CSMD1: variants seen among roughly 807,000 people sequenced by gnomAD.
CSMD1 encodes CUB and sushi domain-containing protein 1.
A neutral mutation model predicts 417.5 loss-of-function variants in CSMD1; 213 were observed. The ratio of observed to expected loss-of-function variants is 0.51; its 90% CI spans 0.46 to 0.57. CSMD1 has a LOEUF of 0.57. CSMD1 is among the 20% of genes least tolerant of loss of function. The pLI is 0.00. For missense variants in CSMD1, 6,923 were observed against 4,529.7 expected (o/e 1.53, Z -15.17); for synonymous variants, 2,862 against 1,736.8 (o/e 1.65, Z -16.11).
chr8:4,069,585 T>C (rs751767329), intron 3 of CSMD1, among the ~76,000 whole-genome samples: 7 of 152,226 alleles, frequency 4.6e-5, no homozygotes, highest in Non-Finnish European at 1.0e-4. Context: ...AGATGTATCT[T>C]GGGCCAGTGG....
At chr8:3,662,755 C>T (rs552323039) in intron 7 of CSMD1, among the ~76,000 whole-genome samples, 43 of 152,074 alleles carry the variant, frequency 2.8e-4, no homozygotes, top group East Asian at 5.8e-4. Flanking sequence ...AACCAAACCC[C>T]GCATGTTCTC....
intron 1 of CSMD1, among the ~76,000 whole-genome samples, chr8:4,938,938 C>G (rs1009491145): frequency 1.4e-5 from 2 of 145,340 alleles, no homozygotes; most frequent in Non-Finnish European, 3.0e-5. Context: ...TTTTGTGTGT[C>G]TTCTTTGGAG....
At position 4,414,158 on chromosome 8, in the gene CSMD1, G is replaced by C. The variant is rs185556959; in HGVS notation, c.415+5795C>G. Among the ~76,000 whole-genome samples, 16 of 152,274 alleles carry C rather than the reference G, an allele frequency of 1.1e-4. No homozygotes were observed. In the South Asian group the frequency reaches 2.5e-3, roughly 24 times the overall value. ...GTGCTGACATTCTAAATAAAGCTTT[G>C]AGCTTGAAGAGTAATAATCTAGCTG... On this transcript the variant is annotated intron_variant, in intron 3 of 69. Coordinates refer to ENST00000635120, the MANE Select transcript of CSMD1 (RefSeq NM_033225.6).
chr8:3,005,829 A>T (rs1267707952), intron 52 of CSMD1, among the ~76,000 whole-genome samples: 3 of 152,156 alleles, frequency 2.0e-5, no homozygotes, highest in Non-Finnish European at 4.4e-5. Flanking sequence ...TGAATGGGCA[A>T]AAACTGGAAG....
intron 5 of CSMD1, among the ~76,000 whole-genome samples, chr8:3,870,044 T>C (rs1416504627): frequency 6.6e-6 from 1 of 152,188 alleles, no homozygotes; most frequent in African/African-American, 2.4e-5. Flanking sequence ...CGTCTCTTCA[T>C]TGCTTAACTG....
At position 3,695,049 on chromosome 8, in the gene CSMD1, G is replaced by A. The variant is rs149215111; in HGVS notation, c.1009+13365C>T. Among the ~76,000 whole-genome samples the A allele has an allele frequency of 7.9e-4, 119 of 149,928 alleles. 1 individual carries two copies. In the East Asian group the frequency reaches 0.011, roughly 14 times the overall value. ...GGGAATTTGGAAGAGAAAAAGTCAC[G>A]TGGAAGAAAGAACATCACAAAAGAA... On this transcript the variant is annotated intron_variant, in intron 7 of 69. Transcript: ENST00000635120.
At chr8:4,981,818 G>A (rs1810904700) in intron 1 of CSMD1, among the ~76,000 whole-genome samples, 1 of 152,076 alleles carries the variant, frequency 6.6e-6, no homozygotes, top group South Asian at 2.1e-4. Context: ...GGCTACATGT[G>A]ATTATGTGTA....
At chr8:3,157,203 A>G (rs1328977129) in intron 39 of CSMD1, among the ~76,000 whole-genome samples, 1 of 152,088 alleles carries the variant, frequency 6.6e-6, no homozygotes, top group Non-Finnish European at 1.5e-5. Context: ...GCTACAACAA[A>G]TAGGTGATGG....
At chr8:3,610,202 G>C (rs1298185388) in intron 8 of CSMD1, among the ~76,000 whole-genome samples, 6 of 152,004 alleles carry the variant, frequency 3.9e-5, no homozygotes, top group African/African-American at 1.4e-4. Flanking sequence ...GAATACAATG[G>C]GTTTTACTAT....
chr8:4,713,569 T>C (rs1388374375), intron 1 of CSMD1, among the ~76,000 whole-genome samples: 2 of 152,156 alleles, frequency 1.3e-5, no homozygotes, highest in Non-Finnish European at 2.9e-5. Context: ...GCCTAGTTAA[T>C]TTTTTATTTT....
At chr8:4,667,106 C>A (rs569009398) in intron 1 of CSMD1, among the ~76,000 whole-genome samples, 5 of 152,166 alleles carry the variant, frequency 3.3e-5, no homozygotes, top group African/African-American at 1.2e-4. Context: ...GGTGAAAAGA[C>A]TATTTTTTCT....
chr8:4,002,294 A>G (rs1441239432), intron 4 of CSMD1, among the ~76,000 whole-genome samples: 1 of 152,092 alleles, frequency 6.6e-6, no homozygotes, highest in Non-Finnish European at 1.5e-5. Flanking sequence ...ATAGTGCTGT[A>G]AGTACTTCTC....
At chr8:4,788,448 C>A in intron 1 of CSMD1, 1 of 1,324,756 alleles carries the variant, frequency 7.5e-7, no homozygotes, top group Non-Finnish European at 1.1e-6. Context: ...ACACTTTCTC[C>A]AGAAGGATCA....
At chr8:4,181,736 A>G (rs1050595389) in intron 3 of CSMD1, among the ~76,000 whole-genome samples, 1 of 152,150 alleles carries the variant, frequency 6.6e-6, no homozygotes, top group Non-Finnish European at 1.5e-5. Context: ...ACATAAAACA[A>G]AATAAACAAC....
At chr8:3,918,938 C>A (rs963327653) in intron 5 of CSMD1, among the ~76,000 whole-genome samples, 1 of 151,580 alleles carries the variant, frequency 6.6e-6, no homozygotes, top group Admixed American at 6.6e-5. Flanking sequence ...GTGGGCTGCT[C>A]GGGTGATGGG....
chr8:4,712,606 C>A (rs1346433908), intron 1 of CSMD1, among the ~76,000 whole-genome samples: 1 of 152,162 alleles, frequency 6.6e-6, no homozygotes, highest in South Asian at 2.1e-4. Context: ...TATTTAAGAT[C>A]TAGGATTTGT....
chr8:3,741,514 T>G (rs1796802890), intron 6 of CSMD1, among the ~76,000 whole-genome samples: 1 of 152,230 alleles, frequency 6.6e-6, no homozygotes, highest in Non-Finnish European at 1.5e-5. Flanking sequence ...TTCCTTTTGT[T>G]TTACAGTTTT....
At chr8:4,012,614 T>C (rs752985063) in intron 4 of CSMD1, among the ~76,000 whole-genome samples, 22 of 152,090 alleles carry the variant, frequency 1.4e-4, no homozygotes, top group Non-Finnish European at 3.1e-4. Flanking sequence ...CTATGTCATC[T>C]GTATGTCTAC....
At chr8:3,791,275 C>G (rs116641616) in intron 5 of CSMD1, among the ~76,000 whole-genome samples, 1 of 152,120 alleles carries the variant, frequency 6.6e-6, no homozygotes, top group Admixed American at 6.6e-5. Flanking sequence ...GTATGATAAA[C>G]TTGCTCTAAT....
Sources: gnomAD v4.1 joint callset for allele counts (sites outside exome capture counted in the v4.1 genomes callset) on GRCh38, gnomAD v4.1.1 for gene constraint, MANE v1.5 for transcripts, NCBI Gene and HGNC (gene_info 2026-07-23, HGNC 2026-07-21) for gene names.